The following AFF1 variants were observed in gnomAD, a reference collection of about 807,000 sequenced individuals.
AFF1 encodes ALF transcription elongation factor 1, also known as AF4/FMR2 family member 1.
AFF1 carries 48 observed loss-of-function variants against 121.7 expected under a neutral mutation model. The ratio of observed to expected loss-of-function variants is 0.39; its 90% CI spans 0.31 to 0.50. The LOEUF (loss-of-function observed/expected upper bound fraction) is 0.50. AFF1 is among the 20% of genes least tolerant of loss of function. The probability of loss-of-function intolerance (pLI) is 0.76; values close to 1 mark genes in which losing one functional copy is unlikely to be tolerated. For missense variants in AFF1, 1,523 were observed against 1,511.7 expected (o/e 1.01, Z -0.12); for synonymous variants, 613 against 563.0 (o/e 1.09, Z -1.26).
intron 12 of AFF1, among the ~76,000 whole-genome samples, chr4:87,123,055 G>A (rs1727873259): frequency 6.6e-6 from 1 of 151,852 alleles, no homozygotes; most frequent in South Asian, 2.1e-4. Context: ...CACCACACTC[G>A]ACTAATTTTT....
chr4:87,114,695 G>A lies in AFF1; in HGVS notation c.1862G>A (p.Arg621Gln), dbSNP rs772687340. ...AAAAAACCTGTCAAGGCCTCTGCCCGGGCAGGTTCACGGACCAGCCTGCAG... is the reference window on the plus strand; with the variant it reads ...AAAAAACCTGTCAAGGCCTCTGCCCAGGCAGGTTCACGGACCAGCCTGCAG... ...QPKKPVKASA[R>Q]AGSRTSLQGE... Residue 621 changes from arginine (R) to glutamine (Q), a missense_variant, in exon 12 of 21, where the codon CGG becomes CAG. Around this residue, in one of 5 missense-constraint regions of AFF1, gnomAD observed 905 missense variants for 842.5 expected, o/e 1.07. Coordinates refer to ENST00000395146, the MANE Select transcript of AFF1 (RefSeq NM_001166693.3). 13 of 1,612,076 alleles carry A rather than the reference G, an allele frequency of 8.1e-6. No homozygotes were observed. Among genetic ancestry groups the A allele is most frequent in the South Asian group, 1.1e-5 (1 of 90,956 alleles).
intron 4 of AFF1, among the ~76,000 whole-genome samples, chr4:87,060,566 C>CGGT (rs1560585532): frequency 6.6e-6 from 1 of 152,078 alleles, no homozygotes; most frequent in Non-Finnish European, 1.5e-5. Context: ...GGGCCAGGCA[C>CGGT]GGTGGCTGAC....
intron 2 of AFF1, among the ~76,000 whole-genome samples, chr4:86,965,039 G>A (rs543494135): frequency 1.3e-5 from 2 of 152,300 alleles, no homozygotes; most frequent in African/African-American, 2.4e-5. Context: ...TGCTGATGTG[G>A]AGGGTGGTTA....
chr4:87,118,473 T>A (rs1200962959), intron 12 of AFF1, among the ~76,000 whole-genome samples: 2 of 152,248 alleles, frequency 1.3e-5, no homozygotes, highest in Non-Finnish European at 2.9e-5. Context: ...AACTTATGTT[T>A]TCTTTTAAAA....
At chr4:87,117,843 G>A (rs1435951571) in intron 12 of AFF1, among the ~76,000 whole-genome samples, 1 of 108,040 alleles carries the variant, frequency 9.3e-6, no homozygotes, top group African/African-American at 2.6e-5. Flanking sequence ...GTAGAGGACA[G>A]GTTGTCCCCC....
chr4:87,136,927 C>T lies in AFF1; in HGVS notation c.*1226C>T, dbSNP rs1729348415. ...AACTCATCACCACATGCCTTCACTC[C>T]AGAGTGTTCTCAGCTAGATTTGATT... On this transcript the variant is annotated 3_prime_UTR_variant, in exon 21 of 21. Transcript: ENST00000395146. 1 of 221,002 alleles carries T rather than the reference C, an allele frequency of 4.5e-6. No homozygotes were observed. Among genetic ancestry groups the T allele is most frequent in the Non-Finnish European group, 9.1e-6 (1 of 110,322 alleles). The allele number at this position is 221,002 out of a possible 1,614,324, so 13.7% of individuals were successfully genotyped here. A position where few individuals can be genotyped will look rare whatever the true frequency, so the allele number is the denominator to read the frequency against.
intron 2 of AFF1, among the ~76,000 whole-genome samples, chr4:87,016,146 A>G (rs1488813952): frequency 6.6e-6 from 1 of 151,728 alleles, no homozygotes; most frequent in Non-Finnish European, 1.5e-5. Context: ...ATGCCGTTGC[A>G]CTCCAGCCTG....
At position 87,114,946 on chromosome 4, in the gene AFF1, C is replaced by T. The variant is rs371496644; in HGVS notation, c.2113C>T (p.Pro705Ser). 1.9e-5 allele frequency: 31 copies of T among 1,612,884 alleles called. No individual in the cohort carries two copies. The highest frequency in any genetic ancestry group is 5.3e-5 in the African/African-American group (4 of 74,890). The change falls in exon 12 of 21, where the codon CCT becomes TCT. Residue 705 changes from proline (P) to serine (S), a missense_variant. This residue lies in a region of AFF1 where 905 missense variants were observed against 842.5 expected (regional missense o/e 1.07). Coordinates refer to ENST00000395146, the MANE Select transcript of AFF1 (RefSeq NM_001166693.3). ...PAKDNVEDRT[P>S]EHFALVPLTE... ...GAAGGACAATGTGGAGGACAGGACC[C>T]CTGAGCACTTTGCTCTTGTTCCCCT...
intron 2 of AFF1, among the ~76,000 whole-genome samples, chr4:86,959,507 T>TCC (rs1553909413): frequency 1.0e-3 from 147 of 146,062 alleles, no homozygotes; most frequent in Middle Eastern, 3.6e-3. Context: ...TTTTTTTTTT[T>TCC]CCCAATGTGA....
In AFF1 at chr4:86,959,674, G is replaced by A. The variant is rs576760744; in HGVS notation, c.38+11103G>A. ...GAGGGACACCTAAACGATAAGTAAC[G>A]TTAGGCCACTTGGGTTTTGTGTAAA... is the stretch of plus-strand genomic sequence containing the variant. On this transcript the variant is annotated intron_variant, in intron 2 of 20. Coordinates refer to ENST00000395146, the MANE Select transcript of AFF1 (RefSeq NM_001166693.3). Among the ~76,000 whole-genome samples the A allele has an allele frequency of 3.3e-5, 5 of 152,228 alleles. No individual in the cohort carries two copies. The South Asian group carries it at 1.0e-3, about 32-fold the overall frequency.
At chr4:87,074,046 A>ACAC (rs1578197920) in intron 4 of AFF1, among the ~76,000 whole-genome samples, 1 of 152,038 alleles carries the variant, frequency 6.6e-6, no homozygotes, top group African/African-American at 2.4e-5. Context: ...ATGTGACAGA[A>ACAC]CACCACCACG....
intron 2 of AFF1, among the ~76,000 whole-genome samples, chr4:87,044,880 T>C (rs925029231): frequency 2.0e-5 from 3 of 152,028 alleles, no homozygotes; most frequent in Non-Finnish European, 4.4e-5. Context: ...TTCTAGAGAG[T>C]AGATCTGCGT....
chr4:87,048,636 T>G (rs1286326594), intron 4 of AFF1, among the ~76,000 whole-genome samples: 1 of 152,172 alleles, frequency 6.6e-6, no homozygotes, highest in Non-Finnish European at 1.5e-5. Flanking sequence ...GGGGGCGTGA[T>G]TCCTACCTGG....
chr4:87,139,344 TTTTTGTTTTGTTTTG>T lies in AFF1; in HGVS notation c.*3658_*3672del, dbSNP rs919201887. On this transcript the variant is annotated 3_prime_UTR_variant, in exon 21 of 21. Transcript: ENST00000395146. ...AGGCTGGGCTTTCGGGTTTTTTTGTTTTTTGTTTTGTTTTGTTTTGTTTTGTTTTCTTGTACTTAA... is the reference window on the plus strand; with the variant it reads ...AGGCTGGGCTTTCGGGTTTTTTTGTTTTTTGTTTTGTTTTCTTGTACTTAA... The T allele has an allele frequency of 8.6e-6, 2 of 233,128 alleles. No homozygotes were observed. The highest frequency in any genetic ancestry group is 4.4e-5 in the African/African-American group (2 of 45,324). 14.4% of individuals were successfully genotyped at this position (233,128 alleles called of 1,614,324 possible). A position where few individuals can be genotyped will look rare whatever the true frequency, so the allele number is the denominator to read the frequency against.
intron 2 of AFF1, among the ~76,000 whole-genome samples, chr4:86,982,581 G>A (rs1169986626): frequency 2.0e-5 from 3 of 151,050 alleles, no homozygotes; most frequent in East Asian, 1.9e-4. Flanking sequence ...ACTTGGGCTG[G>A]GCGTGGTGGC....
At chr4:87,133,289 T>A (rs1162274810) in intron 19 of AFF1, among the ~76,000 whole-genome samples, 1 of 152,250 alleles carries the variant, frequency 6.6e-6, no homozygotes, top group Non-Finnish European at 1.5e-5. Context: ...TGGAATTTTC[T>A]TCCCTGTAGT....
chr4:86,964,357 C>G (rs1172158962), intron 2 of AFF1, among the ~76,000 whole-genome samples: 1 of 151,416 alleles, frequency 6.6e-6, no homozygotes, highest in Non-Finnish European at 1.5e-5. Context: ...CCTCATGATC[C>G]GCCTGCCTTG....
rs1724037118 is a variant in AFF1 at position 86,984,347 on chromosome 4, T to C, written c.38+35776T>C. On this transcript the variant is annotated intron_variant, in intron 2 of 20. Coordinates refer to ENST00000395146, the MANE Select transcript of AFF1 (RefSeq NM_001166693.3). The stretch of plus-strand genomic sequence containing the variant: ...TTTTTTTTTCTTTTTTTTTTTTTTG[T>C]GACTGAGTCTTGCTCTGTTGCCCAG... 2.0e-5 allele frequency among the ~76,000 whole-genome samples: 3 copies of C among 149,454 alleles called. No homozygotes were observed. In the South Asian group the frequency reaches 6.4e-4, roughly 32 times the overall value.
At chr4:87,091,064 CAA>C (rs1462155681) in intron 6 of AFF1, among the ~76,000 whole-genome samples, 1 of 142,554 alleles carries the variant, frequency 7.0e-6, no homozygotes, top group Admixed American at 7.0e-5. Flanking sequence ...TACAAAAACT[CAA>C]ATTTGCTACT....
Sources: gnomAD v4.1 joint callset for allele counts (sites outside exome capture counted in the v4.1 genomes callset) on GRCh38, gnomAD v4.1.1 for gene constraint, gnomAD v4.1.1 regional missense constraint, MANE v1.5 for transcripts, NCBI Gene and HGNC (gene_info 2026-07-23, HGNC 2026-07-21) for gene names.